Variants in AUTS2 observed in about 807,000 individuals in gnomAD.
The protein encoded by AUTS2 is autism susceptibility gene 2 protein.
AUTS2 carries 17 observed loss-of-function variants against 112.4 expected under a neutral mutation model. That is an observed-to-expected ratio of 0.15 (90% CI 0.10 to 0.23). AUTS2 has a LOEUF of 0.23. AUTS2 is among the 10% of genes least tolerant of loss of function. The pLI, the probability that AUTS2 is intolerant of heterozygous loss-of-function variation, is 1.00. For missense variants in AUTS2, 1,510 were observed against 1,701.6 expected, an observed-to-expected ratio of 0.89 and a Z score of 1.98; for synonymous variants, 751 against 702.7, an observed-to-expected ratio of 1.07 and a Z score of -1.09.
intron 5 of AUTS2, among the ~76,000 whole-genome samples, chr7:70,616,682 A>G (rs530739002): frequency 6.6e-6 from 1 of 152,254 alleles, no homozygotes; most frequent in Admixed American, 6.5e-5. Flanking sequence ...TTAAAAATCA[A>G]CGTATCTTTA....
At chr7:69,750,472 T>TTAGTAG (rs146638908) in intron 1 of AUTS2, among the ~76,000 whole-genome samples, 163 of 148,042 alleles carry the variant, frequency 1.1e-3, no homozygotes, top group African/African-American at 2.7e-3. Context: ...AAATACTATG[T>TTAGTAG]TAGTAGTAGT....
chr7:70,398,919 G>T (rs1794203080), intron 4 of AUTS2, among the ~76,000 whole-genome samples: 1 of 149,994 alleles, frequency 6.7e-6, no homozygotes, highest in African/African-American at 2.4e-5. Flanking sequence ...ATGAATGTTT[G>T]ATTTTTGTGT....
intron 5 of AUTS2, among the ~76,000 whole-genome samples, chr7:70,454,251 A>G (rs1562965429): frequency 6.6e-6 from 1 of 152,104 alleles, no homozygotes; most frequent in Non-Finnish European, 1.5e-5. Context: ...TCTAGATATA[A>G]AGGCCAGGTG....
At chr7:69,694,425 A>T (rs943420227) in intron 1 of AUTS2, among the ~76,000 whole-genome samples, 3 of 152,140 alleles carry the variant, frequency 2.0e-5, no homozygotes, top group Non-Finnish European at 4.4e-5. Flanking sequence ...TGGGGAAAAA[A>T]GTTTGGGTTC....
At chr7:70,499,573 AC>A (rs1798692973) in intron 5 of AUTS2, among the ~76,000 whole-genome samples, 1 of 152,290 alleles carries the variant, frequency 6.6e-6, no homozygotes, top group Admixed American at 6.5e-5. Context: ...GATCCCAGCT[AC>A]CCCTTGGAGA....
chr7:70,338,370 C>T (rs1042888835), intron 4 of AUTS2, among the ~76,000 whole-genome samples: 1 of 152,130 alleles, frequency 6.6e-6, no homozygotes, highest in African/African-American at 2.4e-5. Context: ...TAAAGGGTAT[C>T]ATGGTTGCAG....
chr7:69,817,578 G>A (rs1270379024), intron 1 of AUTS2, among the ~76,000 whole-genome samples: 2 of 152,208 alleles, frequency 1.3e-5, no homozygotes, highest in African/African-American at 2.4e-5. Flanking sequence ...GATATCATAT[G>A]TGAGTGGCTT....
chr7:70,251,535 C>T (rs994316907), intron 4 of AUTS2, among the ~76,000 whole-genome samples: 2 of 152,066 alleles, frequency 1.3e-5, no homozygotes, highest in African/African-American at 4.8e-5. Flanking sequence ...ATTGTCTATT[C>T]AGTTTCTTTT....
At chr7:69,898,537 C>T (rs1363610340) in intron 1 of AUTS2, among the ~76,000 whole-genome samples, 1 of 152,142 alleles carries the variant, frequency 6.6e-6, no homozygotes, top group African/African-American at 2.4e-5. Context: ...ACTGAGCTGC[C>T]TGGAGGCACA....
intron 5 of AUTS2, among the ~76,000 whole-genome samples, chr7:70,569,894 G>A (rs564980061): frequency 5.3e-5 from 8 of 152,090 alleles, no homozygotes; most frequent in South Asian, 4.2e-4. Flanking sequence ...ACTTGTCTCC[G>A]TTCCCCTCTT....
intron 5 of AUTS2, among the ~76,000 whole-genome samples, chr7:70,498,630 C>A (rs1798654621): frequency 6.6e-6 from 1 of 152,126 alleles, no homozygotes; most frequent in Admixed American, 6.5e-5. Context: ...TCAGCTGCAA[C>A]CACTAGTTAA....
In AUTS2 at chr7:70,016,691, G is replaced by A. The variant is rs903605811; in HGVS notation, c.523-101441G>A. 7.4e-5 allele frequency among the ~76,000 whole-genome samples: 11 copies of A among 148,076 alleles called. 1 individual carries two copies. The highest frequency in any genetic ancestry group is 1.3e-4 in the Admixed American group (2 of 14,898). On this transcript the variant is annotated intron_variant, in intron 2 of 18. Transcript: ENST00000342771. ...AGATTTTTTTTTTTTTTTTTGAAACGGAGTCTTACTCTGTTTCCTGGGCTG... is the reference window on the plus strand; with the variant it reads ...AGATTTTTTTTTTTTTTTTTGAAACAGAGTCTTACTCTGTTTCCTGGGCTG...
intron 4 of AUTS2, among the ~76,000 whole-genome samples, chr7:70,411,432 C>CT (rs1262703833): frequency 1.3e-5 from 2 of 152,072 alleles, no homozygotes; most frequent in Non-Finnish European, 2.9e-5. Context: ...TAAATGAGAA[C>CT]TTTTAGTTTG....
Position 69,650,896 on chromosome 7 carries a change from G to A in AUTS2, c.309+50934G>A, listed in dbSNP as rs913299393. ...TTACCTCAGTTTTTGCACATACTGC[G>A]TTAGAATCCTGTGCAAGTCGCCCGT... On this transcript the variant is annotated intron_variant, in intron 1 of 18. Coordinates refer to ENST00000342771, the MANE Select transcript of AUTS2 (RefSeq NM_015570.4). 5.3e-5 allele frequency among the ~76,000 whole-genome samples: 8 copies of A among 152,154 alleles called. No individual in the cohort carries two copies. The East Asian group carries it at 1.2e-3, about 22-fold the overall frequency.
chr7:70,168,448 C>G (rs1020826642), intron 4 of AUTS2, among the ~76,000 whole-genome samples: 37 of 152,288 alleles, frequency 2.4e-4, no homozygotes, highest in African/African-American at 8.9e-4. Flanking sequence ...TCCCGAGTAG[C>G]TGGGACTACA....
rs181379921 is a variant in AUTS2, at chr7:70,030,874, C to T, written c.523-87258C>T. On this transcript the variant is annotated intron_variant, in intron 2 of 18. Transcript: ENST00000342771. ...ATTATCCTAGTCATATCCTGTAGAA[C>T]GGGATCCCACTATGGCTTGTCTGAG... 3.0e-3 allele frequency among the ~76,000 whole-genome samples: 451 copies of T among 152,198 alleles called. 3 individuals are homozygous for T. Among genetic ancestry groups the T allele is most frequent in the Non-Finnish European group, 5.2e-3 (356 of 68,024 alleles).
chr7:70,436,643 C>T (rs56374900), intron 5 of AUTS2: 19,883 of 152,250 alleles, frequency 0.13, 1,332 homozygotes, highest in Middle Eastern at 0.17. Flanking sequence ...TCCCTTCCCC[C>T]GTTTCTGGAT....
chr7:70,753,704 T>C (rs1457292452), intron 6 of AUTS2, among the ~76,000 whole-genome samples: 1 of 152,206 alleles, frequency 6.6e-6, no homozygotes, highest in African/African-American at 2.4e-5. Context: ...GAATGTAGAA[T>C]TTTGGAGATA....
At chr7:70,786,546 C>T (rs894207939) in intron 17 of AUTS2, among the ~76,000 whole-genome samples, 4 of 152,270 alleles carry the variant, frequency 2.6e-5, no homozygotes, top group Non-Finnish European at 5.9e-5. Flanking sequence ...CAGCTTTCTA[C>T]TATTAAAAAA....
Sources: allele counts gnomAD v4.1 joint callset (sites outside exome capture counted in the v4.1 genomes callset), GRCh38; gene constraint gnomAD v4.1.1; transcripts MANE v1.5; gene names NCBI Gene and HGNC (gene_info 2026-07-23, HGNC 2026-07-21).